LRPPRC: variants seen among roughly 807,000 people sequenced by gnomAD.
LRPPRC encodes leucine rich pentatricopeptide repeat containing, also known as leucine-rich PPR motif-containing protein, mitochondrial.
Under a neutral mutation model 180.3 loss-of-function variants are expected in LRPPRC, and 120 were observed. The ratio of observed to expected loss-of-function variants is 0.67; its 90% CI spans 0.57 to 0.77. The LOEUF (loss-of-function observed/expected upper bound fraction) is 0.77, where lower values mean the gene tolerates loss of function less well. Ranked by LOEUF, LRPPRC falls within the 30% of genes least tolerant of loss-of-function variation. The pLI is 0.00. For synonymous variants in LRPPRC, 723 were observed against 600.0 expected (o/e 1.21, Z -3.00); for missense variants, 2,012 against 1,657.2 (o/e 1.21, Z -3.72).
At chr2:43,949,479 A>G in intron 16 of LRPPRC, 123 bp downstream of exon 16, 1 of 742,822 alleles carries the variant, frequency 1.3e-6, no homozygotes, top group Non-Finnish European at 2.4e-6. Flanking sequence ...AAGATTTATA[A>G]CCAAATGTTT....
rs367772934 is a variant in LRPPRC, at chr2:43,960,532, T to C, written c.1582+9A>G. 2.1e-6 allele frequency: 3 copies of C among 1,440,902 alleles called. No homozygotes were observed. The highest frequency in any genetic ancestry group is 2.9e-6 in the Non-Finnish European group (3 of 1,023,992). The allele number at this position is 1,440,902 out of a possible 1,614,324, so 89.3% of individuals were successfully genotyped here. On this transcript the variant is annotated intron_variant, in intron 13 of 37. Coordinates refer to ENST00000260665, the MANE Select transcript of LRPPRC (RefSeq NM_133259.4). ...TCTATCAAGTTTACCGCTAATGTTGTATACTTACAAAATGATAATACAAAG... is the reference window on the plus strand; with the variant it reads ...TCTATCAAGTTTACCGCTAATGTTGCATACTTACAAAATGATAATACAAAG...
intron 31 of LRPPRC, chr2:43,904,734 A>C (rs965981997): frequency 4.0e-5 from 6 of 151,650 alleles, no homozygotes; most frequent in Non-Finnish European, 5.9e-5. Flanking sequence ...ACAAAAAAAA[A>C]CCCAAAACAA....
intron 23 of LRPPRC, among the ~76,000 whole-genome samples, chr2:43,938,307 G>A (rs1304956320): frequency 6.6e-6 from 1 of 151,970 alleles, no homozygotes; most frequent in African/African-American, 2.4e-5. Context: ...TTTGTTTGGT[G>A]CAAATTAAAA....
At chr2:43,990,369 C>G (rs772473054) in intron 1 of LRPPRC, among the ~76,000 whole-genome samples, 1 of 152,202 alleles carries the variant, frequency 6.6e-6, no homozygotes, top group Non-Finnish European at 1.5e-5. Flanking sequence ...TTCTTTACTA[C>G]CTCGTTGAAG....
intron 13 of LRPPRC, among the ~76,000 whole-genome samples, chr2:43,959,614 T>G (rs1236407854): frequency 6.6e-6 from 1 of 152,118 alleles, no homozygotes; most frequent in Non-Finnish European, 1.5e-5. Flanking sequence ...TAATTAAAAA[T>G]AAAATACAGG....
intron 32 of LRPPRC, among the ~76,000 whole-genome samples, chr2:43,900,941 G>C (rs1008262927): frequency 6.6e-6 from 1 of 152,098 alleles, no homozygotes; most frequent in African/African-American, 2.4e-5. Flanking sequence ...TTTTTAATAA[G>C]CTTGCGGGGC....
At chr2:43,948,971 A>C (rs1321343423) in intron 16 of LRPPRC, among the ~76,000 whole-genome samples, 1 of 152,210 alleles carries the variant, frequency 6.6e-6, no homozygotes, top group Admixed American at 6.5e-5. Context: ...AATTTTAATA[A>C]GCAGATACAG....
intron 25 of LRPPRC, among the ~76,000 whole-genome samples, chr2:43,932,302 T>A (rs1477906968): frequency 6.6e-6 from 1 of 152,082 alleles, no homozygotes; most frequent in Non-Finnish European, 1.5e-5. Flanking sequence ...GACTGGTTTA[T>A]CTAATTATTT....
At chr2:43,899,182 C>A in intron 34 of LRPPRC, 37 bp downstream of exon 34, 1 of 1,421,738 alleles carries the variant, frequency 7.0e-7, no homozygotes, top group Non-Finnish European at 9.9e-7. Flanking sequence ...TCTTGCAAGC[C>A]TCGAGCCCCA....
At chr2:43,957,646 C>T (rs544160623) in intron 13 of LRPPRC, among the ~76,000 whole-genome samples, 195 bp from the exon 14 acceptor site, 44 of 152,254 alleles carry the variant, frequency 2.9e-4, no homozygotes, top group African/African-American at 1.0e-3. Flanking sequence ...ACCCTTTTAA[C>T]GTATTTTTAA....
intron 32 of LRPPRC, among the ~76,000 whole-genome samples, chr2:43,900,389 C>A (rs1037265815): frequency 6.6e-6 from 1 of 151,748 alleles, no homozygotes; most frequent in Non-Finnish European, 1.5e-5. Flanking sequence ...AATTCTCTAA[C>A]TAAAAATGAA....
intron 11 of LRPPRC, among the ~76,000 whole-genome samples, chr2:43,970,032 A>G (rs995506676): frequency 2.0e-5 from 3 of 152,174 alleles, no homozygotes; most frequent in African/African-American, 7.2e-5. Context: ...GTATCAAAAT[A>G]CTGTAATAAT....
At chr2:43,950,893 A>G (rs1672874848) in intron 14 of LRPPRC, among the ~76,000 whole-genome samples, 1 of 152,154 alleles carries the variant, frequency 6.6e-6, no homozygotes. Flanking sequence ...AACATGGTGA[A>G]ATCCCGTCTC....
chr2:43,964,089 T>A (rs1218479667), intron 11 of LRPPRC, among the ~76,000 whole-genome samples: 1 of 152,194 alleles, frequency 6.6e-6, no homozygotes, highest in Non-Finnish European at 1.5e-5. Flanking sequence ...CAAAGAGAAG[T>A]GACTGATTTC....
At chr2:43,989,750 T>C (rs756190071) in intron 1 of LRPPRC, among the ~76,000 whole-genome samples, 4 of 152,216 alleles carry the variant, frequency 2.6e-5, no homozygotes, top group African/African-American at 9.6e-5. Context: ...TTGTAACATA[T>C]GTTGCAACAT....
rs530205420 is a variant in LRPPRC at position 43,889,035 on chromosome 2, T to C, written c.4129-379A>G. 3.9e-5 allele frequency among the ~76,000 whole-genome samples: 6 copies of C among 152,250 alleles called. No homozygotes were observed. In the South Asian group the frequency reaches 1.0e-3, roughly 26 times the overall value. ...GTGATTTCTCTTATTAAAGAAAACATGCCGGGCACAGTGGCTCACGCCTGT... is the reference window on the plus strand; with the variant it reads ...GTGATTTCTCTTATTAAAGAAAACACGCCGGGCACAGTGGCTCACGCCTGT... On this transcript the variant is annotated intron_variant, in intron 37 of 37. Transcript: ENST00000260665.
intron 35 of LRPPRC, 142 bp downstream of exon 35, chr2:43,896,492 C>T: frequency 1.5e-6 from 1 of 647,896 alleles, no homozygotes; most frequent in Non-Finnish European, 2.8e-6. Context: ...AAAACTGACT[C>T]TAAGTAGAGA....
At chr2:43,953,982 C>A (rs1270163687) in intron 14 of LRPPRC, among the ~76,000 whole-genome samples, 1 of 152,086 alleles carries the variant, frequency 6.6e-6, no homozygotes, top group Non-Finnish European at 1.5e-5. Context: ...CCACCCTGGG[C>A]AATACAGCGA....
rs1208611294 is a variant in LRPPRC, at chr2:43,957,371, G to C, written c.1649+14C>G. 3 of 1,592,766 alleles carry C rather than the reference G, an allele frequency of 1.9e-6. No homozygotes were observed. The highest frequency in any genetic ancestry group is 1.1e-5 in the South Asian group (1 of 90,600). On this transcript the variant is annotated intron_variant, in intron 14 of 37. Coordinates refer to ENST00000260665, the MANE Select transcript of LRPPRC (RefSeq NM_133259.4). ...CCATGTTCAGGCAAGGAACATTTAAGTTGATCATCTTACCTCCTGAAGCCT... is the reference window on the plus strand; with the variant it reads ...CCATGTTCAGGCAAGGAACATTTAACTTGATCATCTTACCTCCTGAAGCCT...
Sources: gnomAD v4.1 joint callset for allele counts (sites outside exome capture counted in the v4.1 genomes callset) on GRCh38, gnomAD v4.1.1 for gene constraint, MANE v1.5 for transcripts, NCBI Gene and HGNC (gene_info 2026-07-23, HGNC 2026-07-21) for gene names.